ZNF253: variants seen among roughly 807,000 people sequenced by gnomAD.
The protein encoded by ZNF253 is DNA-binding protein.
Under a neutral mutation model 11.9 loss-of-function variants are expected in ZNF253, and 8 were observed. The observed-to-expected ratio is 0.67, with a 90% CI of 0.40 to 1.22. ZNF253 has a LOEUF of 1.22. Among genes scored for constraint, ZNF253 ranks in the 50% most tolerant of loss-of-function variants. The pLI is 0.01. For synonymous variants in ZNF253, 194 were observed against 194.9 expected, an observed-to-expected ratio of 1.00 and a Z score of 0.04; for missense variants, 485 against 586.9, an observed-to-expected ratio of 0.83 and a Z score of 1.79.
intron 1 of ZNF253, among the ~76,000 whole-genome samples, chr19:19,874,671 G>A (rs373178939): frequency 3.3e-5 from 5 of 152,212 alleles, no homozygotes; most frequent in African/African-American, 1.2e-4. Flanking sequence ...CAGCACTTTG[G>A]GAGGCCGAGG....
At chr19:19,869,373 AT>A (rs910525775) in intron 1 of ZNF253, among the ~76,000 whole-genome samples, 15 of 149,710 alleles carry the variant, frequency 1.0e-4, no homozygotes, top group East Asian at 9.8e-4. Context: ...TAAATTAAAC[AT>A]TTTTTTTTTC....
At chr19:19,881,598 G>A (rs1270104405) in intron 3 of ZNF253, among the ~76,000 whole-genome samples, 5 of 146,822 alleles carry the variant, frequency 3.4e-5, no homozygotes, top group Admixed American at 6.9e-5. Context: ...TCAGTGAGCC[G>A]AGATCACCCC....
chr19:19,882,495 C>A (rs190199330), intron 3 of ZNF253, among the ~76,000 whole-genome samples: 1 of 151,988 alleles, frequency 6.6e-6, no homozygotes, highest in Non-Finnish European at 1.5e-5. Context: ...AATATCCTTA[C>A]AGGTTCAAGC....
chr19:19,875,686 C>T (rs1009866047), intron 1 of ZNF253, among the ~76,000 whole-genome samples: 22 of 152,288 alleles, frequency 1.4e-4, no homozygotes, highest in South Asian at 2.1e-4. Context: ...TGAGCCACCG[C>T]GCCCAGCCAT....
chr19:19,886,645 CCATATAA>C (rs1393319004), intron 3 of ZNF253, among the ~76,000 whole-genome samples: 1 of 152,168 alleles, frequency 6.6e-6, no homozygotes, highest in Non-Finnish European at 1.5e-5. Context: ...CTGTCTCTTA[CCATATAA>C]CATGTCCAGT....
At chr19:19,889,652 A>T (rs1055991415) in intron 3 of ZNF253, among the ~76,000 whole-genome samples, 1 of 149,196 alleles carries the variant, frequency 6.7e-6, no homozygotes, top group African/African-American at 2.5e-5. Context: ...GTCCTACTTT[A>T]TTTTTTTTTT....
At chr19:19,883,701 C>T (rs2063187211) in intron 3 of ZNF253, among the ~76,000 whole-genome samples, 1 of 152,146 alleles carries the variant, frequency 6.6e-6, no homozygotes. Flanking sequence ...TCATTTTACC[C>T]TCTCTCCAGC....
In ZNF253 at chr19:19,892,816, A is replaced by G; in HGVS notation, c.*69A>G. On this transcript the variant is annotated 3_prime_UTR_variant, in exon 4 of 4. Coordinates refer to ENST00000589717, the MANE Select transcript of ZNF253 (RefSeq NM_021047.3). ...AGCCTTTAACCAGCCCTCGACTCTTAGTAAATTTGAGAGTTTATATGGAAC... is the reference window on the plus strand; with the variant it reads ...AGCCTTTAACCAGCCCTCGACTCTTGGTAAATTTGAGAGTTTATATGGAAC... 7.1e-7 allele frequency: 1 copy of G among 1,399,102 alleles called. No homozygotes were observed. The highest frequency in any genetic ancestry group is 9.7e-7 in the Non-Finnish European group (1 of 1,027,832). The allele number at this position is 1,399,102 out of a possible 1,614,324, so 86.7% of individuals were successfully genotyped here.
chr19:19,889,586 TC>T (rs946194498), intron 3 of ZNF253, among the ~76,000 whole-genome samples: 4 of 152,038 alleles, frequency 2.6e-5, no homozygotes, highest in Non-Finnish European at 4.4e-5. Context: ...CCTCAAATGA[TC>T]CACCCACCCC....
chr19:19,875,057 C>G (rs1170349553), intron 1 of ZNF253, among the ~76,000 whole-genome samples: 2 of 152,172 alleles, frequency 1.3e-5, no homozygotes, highest in Non-Finnish European at 2.9e-5. Context: ...TGTTAAGATT[C>G]ACCCTTTTTG....
intron 1 of ZNF253, among the ~76,000 whole-genome samples, chr19:19,869,310 T>C (rs1293648908): frequency 6.6e-6 from 1 of 152,176 alleles, no homozygotes; most frequent in Non-Finnish European, 1.5e-5. Context: ...ATTTATTACT[T>C]CAGAACAATT....
At chr19:19,866,552 A>T (rs1482197314) in intron 1 of ZNF253, among the ~76,000 whole-genome samples, 1 of 150,452 alleles carries the variant, frequency 6.6e-6, no homozygotes, top group Non-Finnish European at 1.5e-5. Context: ...AGGCTAAAGT[A>T]CAATGGCGCG....
At chr19:19,883,893 T>TA (rs57600612) in intron 3 of ZNF253, among the ~76,000 whole-genome samples, 56,613 of 151,334 alleles carry the variant, frequency 0.37, 12,914 homozygotes, top group East Asian at 0.65. Context: ...CTGTCTGTAC[T>TA]AAAATACAAA....
chr19:19,878,882 T>C (rs1341732315), intron 2 of ZNF253, among the ~76,000 whole-genome samples: 1 of 152,192 alleles, frequency 6.6e-6, no homozygotes, highest in Non-Finnish European at 1.5e-5. Flanking sequence ...CTAGAGGTGA[T>C]GGATACCCTA....
At chr19:19,877,167 T>C (rs558632767) in intron 1 of ZNF253, among the ~76,000 whole-genome samples, 9 of 152,300 alleles carry the variant, frequency 5.9e-5, no homozygotes, top group African/African-American at 2.2e-4. Context: ...ATGGCAGTTA[T>C]TACCCAGAAA....
chr19:19,872,186 G>A (rs996261995), intron 1 of ZNF253, among the ~76,000 whole-genome samples: 1 of 152,070 alleles, frequency 6.6e-6, no homozygotes, highest in African/African-American at 2.4e-5. Flanking sequence ...CTCACAGACC[G>A]AATCAGAGTA....
At chr19:19,881,618 C>T (rs2063178019) in intron 3 of ZNF253, among the ~76,000 whole-genome samples, 1 of 140,196 alleles carries the variant, frequency 7.1e-6, no homozygotes, top group Non-Finnish European at 1.5e-5. Context: ...CATTGCACTT[C>T]AGGCTGGGCA....
rs1318009557 is a variant in ZNF253, at chr19:19,894,543, A to C, written c.*1796A>C. The C allele has an allele frequency of 6.6e-6, 1 of 152,192 alleles. No homozygotes were observed. Among genetic ancestry groups the C allele is most frequent in the East Asian group, 1.9e-4 (1 of 5,202 alleles). 9.4% of individuals were successfully genotyped at this position (152,192 alleles called of 1,614,324 possible). ...GTTCTCATTTCTATAATCCTAGCCA[A>C]TGACTTAATGTTGATGCTTTGAATG... On this transcript the variant is annotated 3_prime_UTR_variant, in exon 4 of 4. Transcript: ENST00000589717.
intron 1 of ZNF253, among the ~76,000 whole-genome samples, chr19:19,876,318 T>C (rs1263981435): frequency 3.5e-5 from 5 of 143,124 alleles, no homozygotes; most frequent in African/African-American, 1.3e-4. Flanking sequence ...TTACAGGCAG[T>C]GCTCTCATTC....
Sources: allele counts gnomAD v4.1 joint callset (sites outside exome capture counted in the v4.1 genomes callset), GRCh38; gene constraint gnomAD v4.1.1; transcripts MANE v1.5; gene names NCBI Gene and HGNC (gene_info 2026-07-23, HGNC 2026-07-21).